The following COMMD10 variants were observed in gnomAD, a reference collection of about 807,000 sequenced individuals.
COMMD10 encodes the protein COMM domain-containing protein 10.
COMMD10 carries 33 observed loss-of-function variants against 28.9 expected under a neutral mutation model. The ratio of observed to expected loss-of-function variants is 1.14; its 90% CI spans 0.87 to 1.53. The LOEUF is 1.53. Ranked by LOEUF, COMMD10 falls within the 40% of genes most tolerant of loss-of-function variation. The pLI is 0.00. For synonymous variants in COMMD10, 110 were observed against 81.7 expected, an observed-to-expected ratio of 1.35 and a Z score of -1.87; for missense variants, 310 against 233.4, an observed-to-expected ratio of 1.33 and a Z score of -2.14.
At chr5:116,241,953 C>G (rs1357006130) in intron 5 of COMMD10, among the ~76,000 whole-genome samples, 4 of 152,108 alleles carry the variant, frequency 2.6e-5, no homozygotes, top group Admixed American at 1.3e-4. Context: ...AATTTAACCT[C>G]TCAGAGGATC....
intron 5 of COMMD10, among the ~76,000 whole-genome samples, chr5:116,262,709 T>C (rs1750481613): frequency 6.6e-6 from 1 of 151,898 alleles, no homozygotes; most frequent in African/African-American, 2.4e-5. Context: ...TTTTGTCCTT[T>C]GTATTTTGTA....
At chr5:116,149,447 G>GTTGAACTAGTTTACAGTC (rs1194121607) in intron 5 of COMMD10, among the ~76,000 whole-genome samples, 2 of 147,720 alleles carry the variant, frequency 1.4e-5, no homozygotes, top group Non-Finnish European at 3.0e-5. Context: ...TTCCACAATG[G>GTTGAACTAGTTTACAGTC]TTGAACTAGT....
chr5:116,154,130 T>A (rs569089986), intron 5 of COMMD10, among the ~76,000 whole-genome samples: 1 of 152,190 alleles, frequency 6.6e-6, no homozygotes, highest in South Asian at 2.1e-4. Context: ...TCAAGCTGCG[T>A]TATTACTTAA....
Position 116,146,984 on chromosome 5 carries a change from G to A in COMMD10, c.510+12806G>A, listed in dbSNP as rs118147067. Among the ~76,000 whole-genome samples, 1,248 of 151,928 alleles carry A rather than the reference G, an allele frequency of 8.2e-3. 55 individuals carry two copies. In the East Asian group the frequency reaches 0.099, roughly 12 times the overall value. On this transcript the variant is annotated intron_variant, in intron 5 of 6. Transcript: ENST00000274458. Reference sequence around the variant, plus strand: ...TGTCCATATTTTAAAAAACTAAAATGCTTTAAGGATTTAATCAGATCCTCG... The same window carrying A: ...TGTCCATATTTTAAAAAACTAAAATACTTTAAGGATTTAATCAGATCCTCG...
intron 5 of COMMD10, among the ~76,000 whole-genome samples, chr5:116,186,414 T>C (rs146339245): frequency 5.0e-4 from 76 of 152,248 alleles, no homozygotes; most frequent in Non-Finnish European, 7.8e-4. Context: ...CTTTTTTCAT[T>C]TCATGAAATA....
intron 4 of COMMD10, among the ~76,000 whole-genome samples, chr5:116,125,570 G>T (rs967440626): frequency 6.6e-6 from 1 of 152,070 alleles, no homozygotes; most frequent in African/African-American, 2.4e-5. Flanking sequence ...GGCGTTCTCT[G>T]TATTACCTGA....
rs1335079590 is a variant in COMMD10, at chr5:116,292,987, A to G, written c.*498A>G. 2.5e-6 allele frequency: 1 copy of G among 397,316 alleles called. No individual in the cohort carries two copies. Among genetic ancestry groups the G allele is most frequent in the Non-Finnish European group, 4.4e-6 (1 of 225,194 alleles). The allele number at this position is 397,316 out of a possible 1,614,324, so 24.6% of individuals were successfully genotyped here. Reference sequence around the variant, plus strand: ...GAGTATATTTTGCTTCGGAAATAATATAGGAAGGAAATGTAAAATAGTGAG... The same window carrying G: ...GAGTATATTTTGCTTCGGAAATAATGTAGGAAGGAAATGTAAAATAGTGAG... On this transcript the variant is annotated 3_prime_UTR_variant, in exon 7 of 7. Coordinates refer to ENST00000274458, the MANE Select transcript of COMMD10 (RefSeq NM_016144.4).
chr5:116,121,205 C>T (rs1030408915), intron 4 of COMMD10, among the ~76,000 whole-genome samples: 8 of 151,642 alleles, frequency 5.3e-5, no homozygotes, highest in Non-Finnish European at 1.0e-4. Context: ...TTGTTCAGTT[C>T]CCACCTATGA....
chr5:116,254,815 C>A (rs888241188), intron 5 of COMMD10, among the ~76,000 whole-genome samples: 2 of 151,168 alleles, frequency 1.3e-5, no homozygotes, highest in African/African-American at 4.9e-5. Flanking sequence ...CTATTAGGTC[C>A]GCTTGGTGCA....
chr5:116,094,353 A>G (rs925307158), intron 4 of COMMD10, among the ~76,000 whole-genome samples: 1 of 152,242 alleles, frequency 6.6e-6, no homozygotes, highest in Non-Finnish European at 1.5e-5. Context: ...TAATGTGGAC[A>G]AAGGATCTAA....
At chr5:116,252,037 G>C (rs368706153) in intron 5 of COMMD10, among the ~76,000 whole-genome samples, 7,568 of 143,982 alleles carry the variant, frequency 0.053, 409 homozygotes, top group African/African-American at 0.14. Context: ...ATTTGCATTT[G>C]TCTGATGGCC....
rs188240552 is a variant in COMMD10 at position 116,159,566 on chromosome 5, G to A, written c.510+25388G>A. On this transcript the variant is annotated intron_variant, in intron 5 of 6. Transcript: ENST00000274458. ...TCCTGCTCTGGACAAAGTCAGTGAT[G>A]TGAGAGAAAAAGGCTTGTATGCAGT... Among the ~76,000 whole-genome samples the A allele has an allele frequency of 3.3e-5, 5 of 152,312 alleles. No homozygotes were observed. In the East Asian group the frequency reaches 7.7e-4, roughly 24 times the overall value.
chr5:116,227,551 T>G (rs1749424239), intron 5 of COMMD10, among the ~76,000 whole-genome samples: 1 of 152,108 alleles, frequency 6.6e-6, no homozygotes, highest in Non-Finnish European at 1.5e-5. Flanking sequence ...TTGTCTCCTC[T>G]GCCACAGGTA....
At chr5:116,258,284 T>G (rs1750345737) in intron 5 of COMMD10, among the ~76,000 whole-genome samples, 1 of 151,808 alleles carries the variant, frequency 6.6e-6, no homozygotes, top group African/African-American at 2.4e-5. Flanking sequence ...ATAAGATCTG[T>G]AGCACACTTA....
intron 4 of COMMD10, among the ~76,000 whole-genome samples, chr5:116,120,794 A>G (rs1347997915): frequency 6.6e-6 from 1 of 151,268 alleles, no homozygotes; most frequent in Non-Finnish European, 1.5e-5. Flanking sequence ...ATTTGGATAT[A>G]CCTCAGTTTG....
intron 5 of COMMD10, among the ~76,000 whole-genome samples, chr5:116,160,839 G>C (rs1423577106): frequency 2.6e-5 from 4 of 152,128 alleles, no homozygotes; most frequent in South Asian, 2.1e-4. Context: ...CTGCCTCTCT[G>C]TTACGGGAAG....
At chr5:116,270,742 G>T (rs1750731354) in intron 5 of COMMD10, among the ~76,000 whole-genome samples, 1 of 151,708 alleles carries the variant, frequency 6.6e-6, no homozygotes, top group Admixed American at 6.6e-5. Context: ...CTCACGACCA[G>T]CCTGACGAAC....
At chr5:116,129,879 G>A (rs1158092621) in intron 4 of COMMD10, among the ~76,000 whole-genome samples, 1 of 148,126 alleles carries the variant, frequency 6.8e-6, no homozygotes, top group Admixed American at 6.8e-5. Context: ...TTAAGTATTA[G>A]TTTGTAATAA....
Position 116,175,945 on chromosome 5 carries a change from A to ATGG in COMMD10, c.510+41773_510+41775dup, listed in dbSNP as rs1368199489. ...AGAAGATGAAAAAGTCTGGAGATGG[A>ATGG]TGGTGGTGATGGTTGCACAACAATA... On this transcript the variant is annotated intron_variant, in intron 5 of 6. Coordinates refer to ENST00000274458, the MANE Select transcript of COMMD10 (RefSeq NM_016144.4). 5.3e-4 allele frequency among the ~76,000 whole-genome samples: 80 copies of ATGG among 152,202 alleles called. 1 individual carries two copies. The highest frequency in any genetic ancestry group is 1.8e-3 in the African/African-American group (75 of 41,532).
Sources: allele counts gnomAD v4.1 joint callset (sites outside exome capture counted in the v4.1 genomes callset), GRCh38; gene constraint gnomAD v4.1.1; transcripts MANE v1.5; gene names NCBI Gene and HGNC (gene_info 2026-07-23, HGNC 2026-07-21).